Variants in FREM1 observed in about 807,000 individuals in gnomAD.
FREM1 encodes the protein FRAS1 related extracellular matrix 1, also known as FRAS1-related extracellular matrix protein 1.
Under a neutral mutation model 210.1 loss-of-function variants are expected in FREM1, and 220 were observed. The ratio of observed to expected loss-of-function variants is 1.05; its 90% confidence interval spans 0.94 to 1.17. The LOEUF is 1.17. Ranked by LOEUF, FREM1 falls within the 50% of genes most tolerant of loss-of-function variation. The pLI is 0.00. For missense variants in FREM1, 3,454 were observed against 2,675.5 expected (o/e 1.29, Z -6.42); for synonymous variants, 1,189 against 980.2 (o/e 1.21, Z -3.98).
At chr9:14,772,996 G>T (rs1847865588) in intron 25 of FREM1, among the ~76,000 whole-genome samples, 1 of 152,050 alleles carries the variant, frequency 6.6e-6, no homozygotes, top group South Asian at 2.1e-4. Flanking sequence ...CATGTCTCTG[G>T]TCACATTAAA....
intron 29 of FREM1, among the ~76,000 whole-genome samples, chr9:14,752,654 T>C (rs543602330): frequency 7.2e-5 from 11 of 152,228 alleles, no homozygotes; most frequent in Admixed American, 2.0e-4. Context: ...TGTAATACAA[T>C]TGGCATGAAA....
intron 29 of FREM1, among the ~76,000 whole-genome samples, chr9:14,755,847 C>G (rs558899242): frequency 6.6e-6 from 1 of 152,320 alleles, no homozygotes; most frequent in African/African-American, 2.4e-5. Flanking sequence ...CAAGTACCAG[C>G]CTTTTTTATT....
chr9:14,784,137 C>G (rs1049002398), intron 24 of FREM1: 2 of 422,966 alleles, frequency 4.7e-6, no homozygotes, highest in Admixed American at 3.8e-5. Flanking sequence ...TACAACAAGA[C>G]AGTAAAAGAA....
chr9:14,868,907 G>A lies in FREM1; in HGVS notation c.71C>T (p.Thr24Ile), dbSNP rs778210279. The A allele has an allele frequency of 1.2e-5, 20 of 1,605,766 alleles. No homozygotes were observed. Among genetic ancestry groups the A allele is most frequent in the Non-Finnish European group, 1.7e-5 (20 of 1,176,656 alleles). The change falls in exon 2 of 37, where the codon ACC becomes ATC. Residue 24 changes from threonine (T) to isoleucine (I), a missense_variant. Transcript: ENST00000380880. The part of the protein sequence containing the change: ...LLLLLAWASP[T>I]FISINRGVRV... ...CACCCCGCGGTTGATGCTGATGAAG[G>A]TGGGGCTGGCCCAGGCCAGGAGGAG... is the stretch of plus-strand genomic sequence containing the variant.
intron 29 of FREM1, among the ~76,000 whole-genome samples, chr9:14,750,853 C>T (rs999837528): frequency 6.6e-6 from 1 of 152,136 alleles, no homozygotes; most frequent in African/African-American, 2.4e-5. Flanking sequence ...AATTTATGGG[C>T]TGGGGGTTCT....
intron 1 of FREM1, among the ~76,000 whole-genome samples, chr9:14,870,282 C>A (rs1435233764): frequency 3.9e-5 from 6 of 152,162 alleles, no homozygotes; most frequent in Non-Finnish European, 5.9e-5. Context: ...CAACCTTTCA[C>A]TTTTGAGGCA....
At chr9:14,873,567 A>T (rs1041745791) in intron 1 of FREM1, among the ~76,000 whole-genome samples, 11 of 39,348 alleles carry the variant, frequency 2.8e-4, no homozygotes, top group Non-Finnish European at 4.0e-4. Flanking sequence ...TCTTTTCTTC[A>T]TTAGTCTTGC....
At chr9:14,889,170 A>G (rs1460467435) in intron 1 of FREM1, among the ~76,000 whole-genome samples, 2 of 152,144 alleles carry the variant, frequency 1.3e-5, no homozygotes, top group Admixed American at 1.3e-4. Flanking sequence ...TCTCTAGTTT[A>G]TGTCTTTTGA....
At position 14,775,963 on chromosome 9, in the gene FREM1, C is replaced by T. The variant is rs765539395; in HGVS notation, c.4683G>A (p.Gly1561=). Residue 1561 remains glycine (G), a synonymous_variant, in exon 25 of 37, where the codon GGG becomes GGA. Coordinates refer to ENST00000380880, the MANE Select transcript of FREM1 (RefSeq NM_001379081.2). ...QHGQLYLWGT[G]LLQHNFTQQD... is the part of the protein sequence containing the mutation. ...GCTGGGTGAAATTGTGTTGAAGTAG[C>T]CCTGTCCCCCACAGGTAGAGCTGGC... 9.9e-6 allele frequency: 16 copies of T among 1,613,872 alleles called. No individual in the cohort carries two copies. The highest frequency in any genetic ancestry group is 1.7e-6 in the Non-Finnish European group (2 of 1,179,898).
intron 1 of FREM1, among the ~76,000 whole-genome samples, chr9:14,893,756 G>A (rs1588632954): frequency 6.6e-6 from 1 of 152,122 alleles, no homozygotes; most frequent in South Asian, 2.1e-4. Context: ...ATGGAAATGT[G>A]GATTTTTTTG....
intron 20 of FREM1, among the ~76,000 whole-genome samples, chr9:14,800,341 A>G (rs948811862): frequency 1.3e-5 from 2 of 152,162 alleles, no homozygotes; most frequent in African/African-American, 4.8e-5. Flanking sequence ...GAAAACACCT[A>G]AGGAAGGAGA....
intron 22 of FREM1, 60 bp from the exon 23 acceptor site, chr9:14,789,174 T>G: frequency 2.0e-5 from 22 of 1,098,614 alleles, no homozygotes; most frequent in Non-Finnish European, 2.5e-5. Flanking sequence ...CAACGTACGT[T>G]AGTGGACATT....
In FREM1 at chr9:14,737,229, T is replaced by TATATATATATTGATATATATATA; in HGVS notation, c.*166_*167insTATATATATATCAATATATATAT. ...ATCTTATCTTGTAAAAAATATTTATTTATCAATCTTTCTGGCACTATTAAA... is the reference window on the plus strand; with the variant it reads ...ATCTTATCTTGTAAAAAATATTTATTATATATATATTGATATATATATATATCAATCTTTCTGGCACTATTAAA... On this transcript the variant is annotated 3_prime_UTR_variant, in exon 37 of 37. Coordinates refer to ENST00000380880, the MANE Select transcript of FREM1 (RefSeq NM_001379081.2). 2 of 529,280 alleles carry TATATATATATTGATATATATATA rather than the reference T, an allele frequency of 3.8e-6. No homozygotes were observed. Among genetic ancestry groups the TATATATATATTGATATATATATA allele is most frequent in the African/African-American group, 1.9e-5 (1 of 52,018 alleles). 32.8% of individuals were successfully genotyped at this position (529,280 alleles called of 1,614,324 possible). A position where few individuals can be genotyped will look rare whatever the true frequency, so the allele number is the denominator to read the frequency against.
intron 3 of FREM1, among the ~76,000 whole-genome samples, chr9:14,863,157 C>G (rs1400690632): frequency 2.0e-5 from 3 of 151,690 alleles, no homozygotes; most frequent in East Asian, 1.9e-4. Context: ...CTGGCTAACA[C>G]GGTGAAACCC....
intron 1 of FREM1, among the ~76,000 whole-genome samples, chr9:14,869,869 CAT>C (rs1832265798): frequency 1.3e-5 from 2 of 152,172 alleles, no homozygotes; most frequent in East Asian, 1.9e-4. Context: ...AATGAGGTGA[CAT>C]AGCTTCAGCA....
At chr9:14,794,380 G>C (rs935815015) in intron 21 of FREM1, among the ~76,000 whole-genome samples, 2 of 152,174 alleles carry the variant, frequency 1.3e-5, no homozygotes. Flanking sequence ...TTATCTACTA[G>C]CTCCCGAGGT....
chr9:14,816,708 C>G, intron 15 of FREM1, 70 bp downstream of exon 15: 1 of 708,762 alleles, frequency 1.4e-6, no homozygotes, highest in Non-Finnish European at 2.0e-6. Flanking sequence ...ATTACCCAGT[C>G]TGTAGTATTG....
chr9:14,805,208 G>T (rs374983567), intron 18 of FREM1, 56 bp from the exon 19 acceptor site: 1 of 1,045,306 alleles, frequency 9.6e-7, no homozygotes, highest in Non-Finnish European at 1.4e-6. Context: ...CCAAGTTATT[G>T]GTCCTTAATC....
intron 2 of FREM1, among the ~76,000 whole-genome samples, chr9:14,865,545 T>C (rs1281356496): frequency 6.6e-6 from 1 of 152,212 alleles, no homozygotes; most frequent in African/African-American, 2.4e-5. Context: ...GCAAGTCACA[T>C]GAAACTGTTC....
Sources: gnomAD v4.1 joint callset for allele counts (sites outside exome capture counted in the v4.1 genomes callset) on GRCh38, gnomAD v4.1.1 for gene constraint, MANE v1.5 for transcripts, NCBI Gene and HGNC (gene_info 2026-07-23, HGNC 2026-07-21) for gene names.